The following DOCK7 variants were observed in gnomAD, a reference collection of about 807,000 sequenced individuals.
DOCK7 encodes the protein dedicator of cytokinesis protein 7.
In DOCK7, 138 loss-of-function variants were observed where a neutral mutation model predicts 271.0. That is an observed-to-expected ratio of 0.51 (90% CI 0.44 to 0.59). DOCK7 has a LOEUF of 0.59. Among genes scored for constraint, DOCK7 ranks in the 20% least tolerant of loss-of-function variants. The pLI, the probability that DOCK7 is intolerant of heterozygous loss-of-function variation, is 0.00. For synonymous variants in DOCK7, 823 were observed against 876.1 expected (o/e 0.94, Z 1.07); for missense variants, 2,066 against 2,592.4 (o/e 0.80, Z 4.41).
intron 24 of DOCK7, among the ~76,000 whole-genome samples, chr1:62,543,095 A>G (rs566426474): frequency 6.6e-6 from 1 of 152,208 alleles, no homozygotes; most frequent in East Asian, 1.9e-4. Context: ...TAGGAAATAC[A>G]TTTTAAAATT....
intron 7 of DOCK7, among the ~76,000 whole-genome samples, chr1:62,643,908 T>C (rs955796018): frequency 6.6e-6 from 1 of 152,024 alleles, no homozygotes; most frequent in African/African-American, 2.4e-5. Context: ...ATTTTAATTA[T>C]AAAATCTTGA....
chr1:62,686,022 G>A (rs1661683946), intron 1 of DOCK7, among the ~76,000 whole-genome samples: 1 of 151,984 alleles, frequency 6.6e-6, no homozygotes, highest in African/African-American at 2.4e-5. Context: ...ATCTGGTGGC[G>A]AACTCCACTA....
chr1:62,529,393 C>G lies in DOCK7; in HGVS notation c.3665G>C (p.Ser1222Thr), dbSNP rs1343741183. The change falls in exon 30 of 50, where the codon AGT (serine) becomes ACT (threonine). Residue 1222 changes from serine to threonine, a missense_variant. Around this residue, in one of 2 missense-constraint regions of DOCK7, gnomAD observed 1,414 missense variants for 1,670.4 expected, o/e 0.85. Coordinates refer to ENST00000635253, the MANE Select transcript of DOCK7 (RefSeq NM_001367561.1). The stretch of plus-strand genomic sequence containing the variant: ...AGAGTACCGCGGGTCTGAGTCGTGA[C>G]TGGAGAGTAAATTGTGTACCATATT... ...VINMVHNLLS[S>T]HDSDPRYSDP... is the part of the protein sequence containing the mutation. The G allele has an allele frequency of 6.2e-7, 1 of 1,613,522 alleles. No individual in the cohort carries two copies. Among genetic ancestry groups the G allele is most frequent in the Non-Finnish European group, 8.5e-7 (1 of 1,179,910 alleles).
chr1:62,564,285 C>T (rs910852869), intron 18 of DOCK7, among the ~76,000 whole-genome samples: 1 of 152,158 alleles, frequency 6.6e-6, no homozygotes, highest in Non-Finnish European at 1.5e-5. Flanking sequence ...CACCTCATCA[C>T]ACTTATTCTA....
chr1:62,583,511 G>T (rs1032396083), intron 15 of DOCK7, among the ~76,000 whole-genome samples: 14 of 152,130 alleles, frequency 9.2e-5, no homozygotes, highest in Non-Finnish European at 1.9e-4. Context: ...TGGGAAATTA[G>T]ATACATTTCT....
chr1:62,489,599 GTGTA>G (rs1230455445), intron 41 of DOCK7, among the ~76,000 whole-genome samples: 8 of 152,102 alleles, frequency 5.3e-5, no homozygotes, highest in African/African-American at 1.9e-4. Context: ...ATGTAGATAT[GTGTA>G]TGTGTGTGTA....
intron 48 of DOCK7, among the ~76,000 whole-genome samples, chr1:62,462,085 T>A (rs1376530186): frequency 1.3e-5 from 2 of 150,130 alleles, no homozygotes; most frequent in African/African-American, 2.4e-5. Flanking sequence ...AAAAAAAAAA[T>A]TAATAAAATC....
intron 34 of DOCK7, among the ~76,000 whole-genome samples, chr1:62,509,940 C>T (rs139987942): frequency 7.2e-5 from 11 of 152,258 alleles, no homozygotes; most frequent in African/African-American, 2.6e-4. Flanking sequence ...GCTAGGCAAA[C>T]CTGAAATGAG....
At chr1:62,669,510 T>C (rs2149736953) in intron 1 of DOCK7, among the ~76,000 whole-genome samples, 1 of 152,344 alleles carries the variant, frequency 6.6e-6, no homozygotes, top group East Asian at 1.9e-4. Flanking sequence ...TGTCTCTTAC[T>C]TGGTATAAAT....
At chr1:62,532,064 A>G (rs1645191265) in intron 29 of DOCK7, among the ~76,000 whole-genome samples, 1 of 125,360 alleles carries the variant, frequency 8.0e-6, no homozygotes, top group Non-Finnish European at 1.7e-5. Flanking sequence ...TATTTATGAG[A>G]CAGAGTCTTG....
At chr1:62,615,108 G>A (rs1652284229) in intron 14 of DOCK7, among the ~76,000 whole-genome samples, 1 of 151,800 alleles carries the variant, frequency 6.6e-6, no homozygotes, top group African/African-American at 2.4e-5. Flanking sequence ...ACCATTTCAA[G>A]TAACACAAAA....
intron 1 of DOCK7, among the ~76,000 whole-genome samples, chr1:62,673,921 G>T (rs1335643824): frequency 6.8e-6 from 1 of 147,962 alleles, no homozygotes; most frequent in African/African-American, 2.5e-5. Context: ...GAGAGAGGAA[G>T]GAAAAGGGAA....
intron 12 of DOCK7, among the ~76,000 whole-genome samples, chr1:62,622,331 C>T (rs946254333): frequency 1.3e-5 from 2 of 151,938 alleles, no homozygotes; most frequent in Non-Finnish European, 2.9e-5. Flanking sequence ...TCCTGTACCA[C>T]TGAAAAAAAT....
chr1:62,495,711 C>A, intron 38 of DOCK7, 30 bp from the exon 39 acceptor site: 1 of 1,513,946 alleles, frequency 6.6e-7, no homozygotes, highest in South Asian at 1.2e-5. Flanking sequence ...GAAAAACATT[C>A]TTGAATTGTC....
intron 20 of DOCK7, among the ~76,000 whole-genome samples, chr1:62,558,737 C>T (rs1201639592): frequency 3.9e-5 from 6 of 151,994 alleles, no homozygotes; most frequent in Non-Finnish European, 8.8e-5. Context: ...ATAGTAAGTG[C>T]TTAATAAATA....
At chr1:62,674,900 T>C (rs1447459363) in intron 1 of DOCK7, among the ~76,000 whole-genome samples, 1 of 152,158 alleles carries the variant, frequency 6.6e-6, no homozygotes, top group African/African-American at 2.4e-5. Context: ...GCAAAAAGTC[T>C]TAGCTACAAC....
At position 62,618,736 on chromosome 1, in the gene DOCK7, C is replaced by T. The variant is rs1652767008; in HGVS notation, c.1652G>A (p.Arg551Lys). The part of the protein sequence containing the change: ...PTREILEFPA[R>K]DVYVPNTTYR... ...AGTAGTGTTTGGAACATAAACATCC[C>T]TTGCGGGAAACTCTAAGATTTCTCT... The change falls in exon 14 of 50, where the codon AGG becomes AAG. Residue 551 changes from arginine to lysine, a missense_variant. Physicochemically the swap from Arg to Lys is conservative, Grantham distance 26. This residue lies in a region of DOCK7 where 1,414 missense variants were observed against 1,670.4 expected (regional missense o/e 0.85). Transcript: ENST00000635253. The T allele has an allele frequency of 6.2e-7, 1 of 1,613,688 alleles. No homozygotes were observed. Among genetic ancestry groups the T allele is most frequent in the South Asian group, 1.1e-5 (1 of 91,066 alleles).
chr1:62,542,694 C>G lies in DOCK7; in HGVS notation c.2959G>C (p.Glu987Gln). The G allele has an allele frequency of 6.2e-7, 1 of 1,612,536 alleles. No homozygotes were observed. The highest frequency in any genetic ancestry group is 1.7e-5 in the Admixed American group (1 of 59,874). The change falls in exon 25 of 50, where the codon GAG becomes CAG. Residue 987 changes from glutamate to glutamine, a missense_variant. Glu to Gln is a conservative substitution (Grantham distance 29, BLOSUM62 2). Coordinates refer to ENST00000635253, the MANE Select transcript of DOCK7 (RefSeq NM_001367561.1). Reference sequence around the variant, plus strand: ...ACAACCCACTGCAAAGCCAGCTCCTCGTGAAAAAGCTATCCAGAAGTAAAT... The same window carrying G: ...ACAACCCACTGCAAAGCCAGCTCCTGGTGAAAAAGCTATCCAGAAGTAAAT... Reference protein sequence around the residue: ...GRLPTKKLFHEELALQWVVCS... With the variant: ...GRLPTKKLFHQELALQWVVCS...
chr1:62,470,016 GATTCCTTAAAGAACTA>G (rs1169455919), intron 48 of DOCK7, among the ~76,000 whole-genome samples: 1 of 152,080 alleles, frequency 6.6e-6, no homozygotes, highest in Non-Finnish European at 1.5e-5. Flanking sequence ...ACAGTGTGGA[GATTCCTTAAAGAACTA>G]ATTCCTTAAA....
Sources: gnomAD v4.1 joint callset for allele counts (sites outside exome capture counted in the v4.1 genomes callset) on GRCh38, gnomAD v4.1.1 for gene constraint, gnomAD v4.1.1 regional missense constraint, MANE v1.5 for transcripts, NCBI Gene and HGNC (gene_info 2026-07-23, HGNC 2026-07-21) for gene names.